Variants in DIAPH3 observed in about 807,000 individuals in gnomAD.
DIAPH3 encodes the protein protein diaphanous homolog 3.
Under a neutral mutation model 144.3 loss-of-function variants are expected in DIAPH3, and 117 were observed. That is an observed-to-expected ratio of 0.81 (90% CI 0.70 to 0.95). The LOEUF (loss-of-function observed/expected upper bound fraction) is 0.95. Ranked by LOEUF, DIAPH3 falls within the 40% of genes least tolerant of loss-of-function variation. The pLI, the probability that DIAPH3 is intolerant of heterozygous loss-of-function variation, is 0.00. For missense variants in DIAPH3, 1,421 were observed against 1,412.7 expected, an observed-to-expected ratio of 1.01 and a Z score of -0.09; for synonymous variants, 519 against 488.9, an observed-to-expected ratio of 1.06 and a Z score of -0.81.
intron 17 of DIAPH3, among the ~76,000 whole-genome samples, chr13:59,935,069 T>C (rs80098463): frequency 8.5e-5 from 13 of 152,362 alleles, no homozygotes; most frequent in Middle Eastern, 3.4e-3. Flanking sequence ...GGTACACTTA[T>C]ATGCAGGTAT....
chr13:59,805,907 A>G (rs2040170155), intron 25 of DIAPH3, among the ~76,000 whole-genome samples: 1 of 152,012 alleles, frequency 6.6e-6, no homozygotes, highest in Admixed American at 6.6e-5. Context: ...ATTTGGAAAT[A>G]GTTGCCTGTT....
chr13:59,842,932 C>CT (rs1440784598), intron 22 of DIAPH3, among the ~76,000 whole-genome samples: 1 of 152,134 alleles, frequency 6.6e-6, no homozygotes, highest in Non-Finnish European at 1.5e-5. Context: ...CTCTTTCAGT[C>CT]TTTATTGAAG....
intron 24 of DIAPH3, among the ~76,000 whole-genome samples, chr13:59,823,036 G>A (rs138143517): frequency 1.2e-3 from 188 of 151,946 alleles, no homozygotes; most frequent in African/African-American, 4.2e-3. Flanking sequence ...TCTCACTACC[G>A]TATTAGAATA....
intron 24 of DIAPH3, among the ~76,000 whole-genome samples, chr13:59,830,678 A>T (rs2041726648): frequency 6.6e-6 from 1 of 151,764 alleles, no homozygotes; most frequent in South Asian, 2.1e-4. Context: ...TTTTAGATCT[A>T]TTTACCTCTA....
chr13:59,786,493 T>C (rs2039035410), intron 25 of DIAPH3, among the ~76,000 whole-genome samples: 1 of 152,204 alleles, frequency 6.6e-6, no homozygotes, highest in Admixed American at 6.5e-5. Context: ...ATTTAGGTTC[T>C]GTTGTAAGAA....
chr13:59,881,416 C>T (rs1372084271), intron 20 of DIAPH3, among the ~76,000 whole-genome samples: 1 of 151,938 alleles, frequency 6.6e-6, no homozygotes, highest in Non-Finnish European at 1.5e-5. Context: ...CAGGTACTTG[C>T]AATACATATG....
At chr13:60,119,264 G>A (rs1442740881) in intron 2 of DIAPH3, among the ~76,000 whole-genome samples, 1 of 152,144 alleles carries the variant, frequency 6.6e-6, no homozygotes, top group Non-Finnish European at 1.5e-5. Flanking sequence ...AAGAATTGAG[G>A]GCTTCCACTA....
chr13:59,794,663 A>G (rs2039497466), intron 25 of DIAPH3, among the ~76,000 whole-genome samples: 2 of 152,080 alleles, frequency 1.3e-5, no homozygotes, highest in African/African-American at 4.8e-5. Context: ...CTAATCCACT[A>G]TAAATATCAT....
intron 2 of DIAPH3, among the ~76,000 whole-genome samples, chr13:60,130,372 T>C (rs4886206): frequency 0.23 from 34,447 of 151,906 alleles, 4,079 homozygotes; most frequent in South Asian, 0.27. Context: ...AAGAGAACAG[T>C]GAGAGTGAGG....
intron 13 of DIAPH3, among the ~76,000 whole-genome samples, chr13:59,981,911 G>C (rs934249369): frequency 6.6e-6 from 1 of 151,304 alleles, no homozygotes; most frequent in Non-Finnish European, 1.5e-5. Context: ...GACAGTATTT[G>C]TTCTCTAATC....
intron 5 of DIAPH3, among the ~76,000 whole-genome samples, chr13:60,033,966 T>C (rs1037413247): frequency 6.6e-6 from 1 of 152,212 alleles, no homozygotes; most frequent in East Asian, 1.9e-4. Context: ...CCTTTCTTCA[T>C]GTATAGATAT....
At chr13:59,839,226 C>A in intron 23 of DIAPH3, 98 bp downstream of exon 23, 2 of 1,491,328 alleles carry the variant, frequency 1.3e-6, no homozygotes, top group Non-Finnish European at 1.8e-6. Flanking sequence ...TTTGGCACTA[C>A]AGAATGATCT....
At chr13:60,162,029 G>C (rs1952317215) in intron 1 of DIAPH3, among the ~76,000 whole-genome samples, 1 of 152,182 alleles carries the variant, frequency 6.6e-6, no homozygotes, top group African/African-American at 2.4e-5. Flanking sequence ...TGGAAGTCAT[G>C]ATTCATACCA....
At chr13:59,884,035 G>A (rs2045268300) in intron 20 of DIAPH3, among the ~76,000 whole-genome samples, 1 of 152,064 alleles carries the variant, frequency 6.6e-6, no homozygotes, top group Non-Finnish European at 1.5e-5. Context: ...GTGAGCAGCG[G>A]GCCTGAGCGA....
chr13:59,974,958 T>A (rs2050585730), intron 14 of DIAPH3, among the ~76,000 whole-genome samples: 1 of 152,048 alleles, frequency 6.6e-6, no homozygotes, highest in Admixed American at 6.6e-5. Context: ...TGTAACAACA[T>A]AATATCTCCT....
At chr13:59,997,934 T>C (rs1233336015) in intron 9 of DIAPH3, among the ~76,000 whole-genome samples, 1 of 152,100 alleles carries the variant, frequency 6.6e-6, no homozygotes, top group Non-Finnish European at 1.5e-5. Flanking sequence ...AAAAATTCTA[T>C]CAGAGGCTGC....
intron 27 of DIAPH3, among the ~76,000 whole-genome samples, chr13:59,729,652 A>T (rs1461960288): frequency 2.6e-5 from 4 of 152,060 alleles, no homozygotes; most frequent in African/African-American, 9.7e-5. Flanking sequence ...ACAAAAAAAA[A>T]TGCATGTAAA....
chr13:59,763,227 T>C (rs2037694567), intron 27 of DIAPH3, among the ~76,000 whole-genome samples: 1 of 152,080 alleles, frequency 6.6e-6, no homozygotes, highest in African/African-American at 2.4e-5. Flanking sequence ...TGTGTATACA[T>C]GTGTGTATAT....
chr13:59,762,050 A>ACCTTTTTTTTTTTTTTTTTTTTT (rs1389648314), intron 27 of DIAPH3, among the ~76,000 whole-genome samples: 1 of 118,990 alleles, frequency 8.4e-6, no homozygotes, highest in African/African-American at 3.0e-5. Flanking sequence ...AAGCGTCAGC[A>ACCTTTTTTTTTTTTTTTTTTTTT]TCTTTTTTTT....
Sources: gnomAD v4.1 joint callset for allele counts (sites outside exome capture counted in the v4.1 genomes callset) on GRCh38, gnomAD v4.1.1 for gene constraint, MANE v1.5 for transcripts, NCBI Gene and HGNC (gene_info 2026-07-23, HGNC 2026-07-21) for gene names.